INPPL1: variants seen among roughly 807,000 people sequenced by gnomAD.
The protein encoded by INPPL1 is inositol polyphosphate phosphatase like 1, also known as phosphatidylinositol 3,4,5-trisphosphate 5-phosphatase 2.
A neutral mutation model predicts 139.3 loss-of-function variants in INPPL1; 91 were observed. The observed-to-expected ratio is 0.65, with a 90% confidence interval of 0.55 to 0.78. The LOEUF is 0.78. Among genes scored for constraint, INPPL1 ranks in the 30% least tolerant of loss-of-function variants. The pLI is 0.00. For synonymous variants in INPPL1, 719 were observed against 686.6 expected (o/e 1.05, Z -0.74); for missense variants, 1,411 against 1,665.6 (o/e 0.85, Z 2.66).
intron 1 of INPPL1, among the ~76,000 whole-genome samples, chr11:72,226,151 G>A (rs920814537): frequency 4.7e-5 from 7 of 149,770 alleles, no homozygotes; most frequent in Non-Finnish European, 1.0e-4. Context: ...TGGTCGGGGC[G>A]CACATTAGCC....
Position 72,228,414 on chromosome 11 carries a change from C to T in INPPL1, c.313C>T (p.Pro105Ser). ...LGELIGLYAQ[P>S]NQGLVCALLL... ...TGAGCTCATCGGCCTGTACGCCCAGCCCAACCAGGGCCTTGTGTGCGCCCT... is the reference window on the plus strand; with the variant it reads ...TGAGCTCATCGGCCTGTACGCCCAGTCCAACCAGGGCCTTGTGTGCGCCCT... The change falls in exon 3 of 28, where the codon CCC becomes TCC. Residue 105 changes from proline (P) to serine (S), a missense_variant. Coordinates refer to ENST00000298229, the MANE Select transcript of INPPL1 (RefSeq NM_001567.4). This position sits in a 1 kb window ranked among gnomAD's most constrained non-coding sequence, Gnocchi z 5.0. 3 of 1,613,010 alleles carry T rather than the reference C, an allele frequency of 1.9e-6. No individual in the cohort carries two copies. The highest frequency in any genetic ancestry group is 2.2e-5 in the South Asian group (2 of 91,084).
At position 72,228,470 on chromosome 11, in the gene INPPL1, G is replaced by T; in HGVS notation, c.369G>T (p.Pro123=). The stretch of plus-strand genomic sequence containing the variant: ...TTCCTGTAGAGGGTGAGCGAGAGCC[G>T]GACCCACCGGATGACCGGGATGCCT... ...LLLPVEGERE[P]DPPDDRDASD... Residue 123 remains proline (P), a synonymous_variant, in exon 3 of 28, where the codon CCG becomes CCT. Coordinates refer to ENST00000298229, the MANE Select transcript of INPPL1 (RefSeq NM_001567.4). This position sits in a 1 kb window ranked among gnomAD's most constrained non-coding sequence, Gnocchi z 5.0. 6.2e-7 allele frequency: 1 copy of T among 1,609,260 alleles called. No individual in the cohort carries two copies. The highest frequency in any genetic ancestry group is 8.5e-7 in the Non-Finnish European group (1 of 1,179,968).
rs1332077891 is a variant in INPPL1, at chr11:72,234,776, C to T, written c.2415+161C>T. Among the ~76,000 whole-genome samples the T allele has an allele frequency of 6.7e-6, 1 of 149,580 alleles. No individual in the cohort carries two copies. Among genetic ancestry groups the T allele is most frequent in the Non-Finnish European group, 1.5e-5 (1 of 67,566 alleles). On this transcript the variant is annotated intron_variant, in intron 21 of 27. Coordinates refer to ENST00000298229, the MANE Select transcript of INPPL1 (RefSeq NM_001567.4). The surrounding 1 kb of genome is among the most constrained non-coding windows in gnomAD (Gnocchi z 4.2). ...GTGTGTGTGTGTGTATGGGCATGGG[C>T]ATGAGTGAGGATAAAGGCGTTTGCT...
chr11:72,226,173 A>G (rs1001319589), intron 1 of INPPL1, among the ~76,000 whole-genome samples: 2 of 140,428 alleles, frequency 1.4e-5, no homozygotes, highest in East Asian at 2.2e-4. Context: ...AGACCAGGGG[A>G]GACCTTTTTT....
intron 18 of INPPL1, 34 bp from the exon 19 acceptor site, chr11:72,233,621 C>A: frequency 6.2e-7 from 1 of 1,605,648 alleles, no homozygotes; most frequent in East Asian, 2.2e-5. Context: ...GGGAATATTC[C>A]CCCTGAGTCC....
rs1467248615 is a variant in INPPL1, at chr11:72,228,972, C to T, written c.519-118C>T. On this transcript the variant is annotated intron_variant, in intron 4 of 27. Coordinates refer to ENST00000298229, the MANE Select transcript of INPPL1 (RefSeq NM_001567.4). The surrounding 1 kb of genome is among the most constrained non-coding windows in gnomAD (Gnocchi z 5.0). ...CCCCCACCCCACCTCAGCCCAGAGG[C>T]AGATAACCTGATCCATCCCGCCCTG... The T allele has an allele frequency of 3.3e-6, 5 of 1,522,298 alleles. No individual in the cohort carries two copies. The Admixed American group carries it at 1.0e-4, about 32-fold the overall frequency. The allele number at this position is 1,522,298 out of a possible 1,614,324, so 94.3% of individuals were successfully genotyped here.
chr11:72,227,885 G>T (rs1948718492), intron 1 of INPPL1: 1 of 446,178 alleles, frequency 2.2e-6, no homozygotes, highest in African/African-American at 2.0e-5. Context: ...GGGCTGTTTA[G>T]ACAGCTGTGG....
intron 11 of INPPL1, 46 bp downstream of exon 11, chr11:72,230,944 G>A (rs375425967): frequency 2.2e-4 from 348 of 1,612,404 alleles, no homozygotes; most frequent in South Asian, 4.4e-4. Context: ...GATGGCCCCA[G>A]AGCAGGTGCC....
chr11:72,233,119 G>A lies in INPPL1; in HGVS notation c.1996G>A (p.Gly666Ser). The A allele has an allele frequency of 6.2e-7, 1 of 1,614,078 alleles. No homozygotes were observed. Among genetic ancestry groups the A allele is most frequent in the Non-Finnish European group, 8.5e-7 (1 of 1,180,012 alleles). ...CCCACCCACCTACCGCTATGAGCGG[G>A]GTTCCCGGGACACATATGCCTGGCA... Reference protein sequence around the residue: ...SFPPTYRYERGSRDTYAWHKQ... With the variant: ...SFPPTYRYERSSRDTYAWHKQ... Residue 666 changes from glycine to serine, a missense_variant, in exon 17 of 28, where the codon GGT becomes AGT. Gly to Ser is a moderately conservative substitution (Grantham distance 56). Around this residue, in one of 5 missense-constraint regions of INPPL1, gnomAD observed 363 missense variants for 446.2 expected, o/e 0.81. Transcript: ENST00000298229.
In INPPL1 at chr11:72,235,217, G is replaced by A. The variant is rs1266813341; in HGVS notation, c.2503+14G>A. ...ATGAATCCTATGGTGAGGGGTGAGGGGTGCTGAGGGGAACAGGAAGCCAGA... is the reference window on the plus strand; with the variant it reads ...ATGAATCCTATGGTGAGGGGTGAGGAGTGCTGAGGGGAACAGGAAGCCAGA... On this transcript the variant is annotated intron_variant, in intron 22 of 27. Transcript: ENST00000298229. The surrounding 1 kb of genome is among the most constrained non-coding windows in gnomAD (Gnocchi z 4.9). 8 of 1,613,852 alleles carry A rather than the reference G, an allele frequency of 5.0e-6. No homozygotes were observed. The South Asian group carries it at 7.7e-5, about 16-fold the overall frequency.
Position 72,232,756 on chromosome 11 carries a change from G to C in INPPL1, c.1843G>C (p.Asp615His). The C allele has an allele frequency of 6.2e-7, 1 of 1,613,964 alleles. No individual in the cohort carries two copies. The highest frequency in any genetic ancestry group is 8.5e-7 in the Non-Finnish European group (1 of 1,179,994). The stretch of plus-strand genomic sequence containing the variant: ...GGACCTCAACTACCGCCTGGACATG[G>C]ATATCCAGGTGCGAGCAGGGCCCTG... ...FGDLNYRLDMDIQEILNYISR... is the reference protein window; with the variant it reads ...FGDLNYRLDMHIQEILNYISR... The change falls in exon 15 of 28, where the codon GAT (aspartate) becomes CAT (histidine). Residue 615 changes from aspartate to histidine, a missense_variant. Transcript: ENST00000298229.
Position 72,229,091 on chromosome 11 carries a change from G to A in INPPL1, c.520G>A (p.Ala174Thr). Residue 174 changes from alanine to threonine, a missense_variant and splice_region_variant, in exon 5 of 28, where the codon GCT becomes ACT. Physicochemically the swap from Ala to Thr is moderately conservative, Grantham distance 58. This residue lies in a region of INPPL1 where 504 missense variants were observed against 595.6 expected (regional missense o/e 0.85). Coordinates refer to ENST00000298229, the MANE Select transcript of INPPL1 (RefSeq NM_001567.4). ...ETPTAPAAESAPNGLSTVSHD... is the reference protein window; with the variant it reads ...ETPTAPAAESTPNGLSTVSHD... Reference sequence around the variant, plus strand: ...TGACTTCTTAACCCCTCCCCAAAGTGCTCCCAATGGGCTGAGCACCGTCTC... The same window carrying A: ...TGACTTCTTAACCCCTCCCCAAAGTACTCCCAATGGGCTGAGCACCGTCTC... 6.2e-7 allele frequency: 1 copy of A among 1,606,036 alleles called. No homozygotes were observed. Among genetic ancestry groups the A allele is most frequent in the Non-Finnish European group, 8.5e-7 (1 of 1,174,842 alleles).
chr11:72,225,131 C>T lies in INPPL1; in HGVS notation c.147C>T (p.Ser49=). The change falls in exon 1 of 28, where the codon AGC becomes AGT. Residue 49 remains serine, a synonymous_variant. Coordinates refer to ENST00000298229, the MANE Select transcript of INPPL1 (RefSeq NM_001567.4). The part of the protein sequence containing the change: ...GRDGSFLVRD[S]ESVAGAFALC... ...ATGGCAGCTTCCTGGTCCGAGACAG[C>T]GAGAGCGTGGCGGGGGCCTTCGCGC... 8.1e-7 allele frequency: 1 copy of T among 1,234,492 alleles called. No homozygotes were observed. Among genetic ancestry groups the T allele is most frequent in the African/African-American group, 1.5e-5 (1 of 64,760 alleles). The allele number at this position is 1,234,492 out of a possible 1,614,324, so 76.5% of individuals were successfully genotyped here.
chr11:72,233,321 G>T, intron 17 of INPPL1, 120 bp from the exon 18 acceptor site: 1 of 1,056,466 alleles, frequency 9.5e-7, no homozygotes, highest in Admixed American at 2.0e-5. Flanking sequence ...TCCAAGAAGG[G>T]AGGTGGGTGC....
Position 72,230,418 on chromosome 11 carries a change from A to G in INPPL1, c.1147A>G (p.Lys383Glu), listed in dbSNP as rs1565388277. The G allele has an allele frequency of 1.9e-6, 3 of 1,614,088 alleles. No individual in the cohort carries two copies. The highest frequency in any genetic ancestry group is 2.5e-6 in the Non-Finnish European group (3 of 1,180,034). Residue 383 changes from lysine to glutamate, a missense_variant, in exon 10 of 28, where the codon AAG becomes GAG. Physicochemically the swap from Lys to Glu is moderately conservative, Grantham distance 56 (BLOSUM62 1). Coordinates refer to ENST00000298229, the MANE Select transcript of INPPL1 (RefSeq NM_001567.4). ...VQNKLGVVFE[K>E]EKDRTQRKDF... ...GAACAAGCTGGGTGTTGTGTTTGAGAAGGAGAAGGACCGGACTCAGCGCAA... is the reference window on the plus strand; with the variant it reads ...GAACAAGCTGGGTGTTGTGTTTGAGGAGGAGAAGGACCGGACTCAGCGCAA...
In INPPL1 at chr11:72,228,674, A is replaced by C; in HGVS notation, c.398-53A>C. ...ACTTTACAGCTGCATCGTGCCTCCT[A>C]CTCCACTGAGTGTGGGAGGCCCAAA... On this transcript the variant is annotated intron_variant, in intron 3 of 27. Transcript: ENST00000298229. This position sits in a 1 kb window ranked among gnomAD's most constrained non-coding sequence, Gnocchi z 5.0. 6.3e-7 allele frequency: 1 copy of C among 1,586,812 alleles called. No homozygotes were observed. Among genetic ancestry groups the C allele is most frequent in the South Asian group, 1.1e-5 (1 of 88,476 alleles).
At position 72,230,788 on chromosome 11, in the gene INPPL1, T is replaced by TC; in HGVS notation, c.1198-3dup. On this transcript the variant is annotated splice_polypyrimidine_tract_variant and splice_region_variant and intron_variant, in intron 10 of 27. Transcript: ENST00000298229. Reference sequence around the variant, plus strand: ...CTACCCGCCCCTGAGTGGCTGCTGTTCCCCCAGAAGCGGGAGGCCTTCTGC... The same window carrying TC: ...CTACCCGCCCCTGAGTGGCTGCTGTTCCCCCCAGAAGCGGGAGGCCTTCTGC... 6.2e-7 allele frequency: 1 copy of TC among 1,612,614 alleles called. No homozygotes were observed. The highest frequency in any genetic ancestry group is 1.7e-4 in the Middle Eastern group (1 of 6,046).
chr11:72,238,209 G>A, intron 27 of INPPL1, 34 bp downstream of exon 27: 8 of 1,612,984 alleles, frequency 5.0e-6, no homozygotes, highest in Non-Finnish European at 6.8e-6. Flanking sequence ...GGCGGAGCTG[G>A]GGCCCTCAGG....
rs1948647738 is a variant in INPPL1 at position 72,225,577 on chromosome 11, G to A, written c.182+411G>A. 3.1e-6 allele frequency: 3 copies of A among 967,124 alleles called. No homozygotes were observed. The South Asian group carries it at 1.4e-4, about 46-fold the overall frequency. 59.9% of individuals were successfully genotyped at this position (967,124 alleles called of 1,614,324 possible). The stretch of plus-strand genomic sequence containing the variant: ...AGGGAGTCGGGGCAGAGGGACTGAC[G>A]GGGTGTGTGGGGATGCCTGGCAGCT... On this transcript the variant is annotated intron_variant, in intron 1 of 27. Coordinates refer to ENST00000298229, the MANE Select transcript of INPPL1 (RefSeq NM_001567.4).
Sources: allele counts gnomAD v4.1 joint callset (sites outside exome capture counted in the v4.1 genomes callset), GRCh38; gene constraint gnomAD v4.1.1; regional missense constraint gnomAD v4.1.1; non-coding constraint Gnocchi (gnomAD v3.1); transcripts MANE v1.5; gene names NCBI Gene and HGNC (gene_info 2026-07-23, HGNC 2026-07-21).